Variants in CD180 observed in about 807,000 individuals in gnomAD.
CD180 encodes CD180 antigen.
A neutral mutation model predicts 10.7 loss-of-function variants in CD180; 11 were observed. That is an observed-to-expected ratio of 1.03 (90% confidence interval 0.65 to 1.70). The LOEUF (loss-of-function observed/expected upper bound fraction) is 1.70. Ranked by LOEUF, CD180 falls within the 40% of genes most tolerant of loss-of-function variation. CD180 has a pLI of 0.00. For missense variants in CD180, 729 were observed against 775.2 expected, an observed-to-expected ratio of 0.94 and a Z score of 0.71; for synonymous variants, 286 against 294.6, an observed-to-expected ratio of 0.97 and a Z score of 0.30.
chr5:67,182,925 A>G lies in CD180; in HGVS notation c.1918T>C (p.Leu640=). 1 of 1,613,956 alleles carries G rather than the reference A, an allele frequency of 6.2e-7. No individual in the cohort carries two copies. Among genetic ancestry groups the G allele is most frequent in the Non-Finnish European group, 8.5e-7 (1 of 1,179,900 alleles). Residue 640 remains leucine, a synonymous_variant, in exon 3 of 3, where the codon TTA becomes CTA. Coordinates refer to ENST00000256447, the MANE Select transcript of CD180 (RefSeq NM_005582.3). ...AAAAATAGCAGAATAGCCAACAATA[A>G]TAGAAATACTATGAGAAAGAAAATG... The part of the protein sequence containing the change: ...IGIFFLIVFL[L]LLAILLFFAV...
chr5:67,185,795 T>C (rs928700441), intron 2 of CD180, 56 bp downstream of exon 2: 10 of 1,341,966 alleles, frequency 7.5e-6, no homozygotes, highest in Admixed American at 2.5e-5. Flanking sequence ...ATTAAGCACA[T>C]ACTGTATTTT....
chr5:67,186,131 C>CA, intron 1 of CD180, 114 bp from the exon 2 acceptor site: 1 of 632,096 alleles, frequency 1.6e-6, no homozygotes, highest in Non-Finnish European at 2.6e-6. Flanking sequence ...GTAATCTTTA[C>CA]CAAATATACA....
At chr5:67,189,171 A>T (rs1306248005) in intron 1 of CD180, among the ~76,000 whole-genome samples, 1 of 152,204 alleles carries the variant, frequency 6.6e-6, no homozygotes, top group Admixed American at 6.5e-5. Flanking sequence ...TTCCGGCCCT[A>T]CAGCAAAAGG....
rs940421122 is a variant in CD180 at position 67,181,703 on chromosome 5, A to G, written c.*1154T>C. On this transcript the variant is annotated 3_prime_UTR_variant, in exon 3 of 3. Transcript: ENST00000256447. ...CTTGTCTGGCAATCAAGACTTCAGA[A>G]GATACAGGCCTGTGTGAGTATGGCC... The G allele has an allele frequency of 2.6e-5, 4 of 152,288 alleles. No individual in the cohort carries two copies. Among genetic ancestry groups the G allele is most frequent in the Non-Finnish European group, 5.9e-5 (4 of 68,098 alleles). The allele number at this position is 152,288 out of a possible 1,614,324, so 9.4% of individuals were successfully genotyped here. A position where few individuals can be genotyped will look rare whatever the true frequency, so the allele number is the denominator to read the frequency against.
chr5:67,183,275 C>T lies in CD180; in HGVS notation c.1568G>A (p.Ser523Asn). ...QQAFHSLGKM[S>N]HVDLSHNSLT... Reference sequence around the variant, plus strand: ...GCTGTTGTGGCTTAAGTCTACATGGCTCATTTTTCCCAAGCTGTGGAATGC... The same window carrying T: ...GCTGTTGTGGCTTAAGTCTACATGGTTCATTTTTCCCAAGCTGTGGAATGC... Residue 523 changes from serine (S) to asparagine (N), a missense_variant, in exon 3 of 3, where the codon AGC (serine) becomes AAC (asparagine). By Grantham distance (46) the Ser-to-Asn change is conservative. Coordinates refer to ENST00000256447, the MANE Select transcript of CD180 (RefSeq NM_005582.3). 1 of 1,614,142 alleles carries T rather than the reference C, an allele frequency of 6.2e-7. No homozygotes were observed. The highest frequency in any genetic ancestry group is 1.1e-5 in the South Asian group (1 of 91,064).
intron 1 of CD180, among the ~76,000 whole-genome samples, chr5:67,188,638 C>G (rs1195672762): frequency 1.3e-5 from 2 of 152,232 alleles, no homozygotes; most frequent in African/African-American, 4.8e-5. Context: ...AACAGAACTG[C>G]ACACATCTTG....
chr5:67,190,021 C>A (rs1047103473), intron 1 of CD180, among the ~76,000 whole-genome samples: 3 of 152,176 alleles, frequency 2.0e-5, no homozygotes, highest in Non-Finnish European at 4.4e-5. Flanking sequence ...TTTTTCCAAT[C>A]CAGGATCACA....
chr5:67,181,176 T>G lies in CD180; in HGVS notation c.*1681A>C, dbSNP rs1407027415. ...GAGAGACAAGACAAGAGAAACTAAT[T>G]AAAACAAATGAAGAAGTTAATTCCA... On this transcript the variant is annotated 3_prime_UTR_variant, in exon 3 of 3. Coordinates refer to ENST00000256447, the MANE Select transcript of CD180 (RefSeq NM_005582.3). 2 of 151,924 alleles carry G rather than the reference T, an allele frequency of 1.3e-5. No individual in the cohort carries two copies. The allele number at this position is 151,924 out of a possible 1,614,324, so 9.4% of individuals were successfully genotyped here.
Position 67,182,872 on chromosome 5 carries a change from T to A in CD180, c.1971A>T (p.Lys657Asn). The A allele has an allele frequency of 6.2e-7, 1 of 1,604,320 alleles. No homozygotes were observed. Among genetic ancestry groups the A allele is most frequent in the Non-Finnish European group, 8.5e-7 (1 of 1,175,116 alleles). The change falls in exon 3 of 3, where the codon AAA becomes AAT. Residue 657 changes from lysine to asparagine, a missense_variant. Lys to Asn is a moderately conservative substitution (Grantham distance 94). Coordinates refer to ENST00000256447, the MANE Select transcript of CD180 (RefSeq NM_005582.3). ...FFAVKYLLRW[K>N]YQHI ...ACCTTCAGCACTAAATGTGTTGGTA[T>A]TTCCACCTGAGAAGGTATTTAACTG...
rs757873370 is a variant in CD180 at position 67,184,021 on chromosome 5, C to T, written c.822G>A (p.Met274Ile). The change falls in exon 3 of 3, where the codon ATG becomes ATA. Residue 274 changes from methionine to isoleucine, a missense_variant. Met to Ile is a conservative substitution (Grantham distance 10). Transcript: ENST00000256447. ...CCTGCAGGTTGAGGCTCTCAACAGA[C>T]ATTTCACAGAGTCCCTTGAGCATGG... The part of the protein sequence containing the change: ...SSAMLKGLCE[M>I]SVESLNLQEH... 2 of 1,614,118 alleles carry T rather than the reference C, an allele frequency of 1.2e-6. No individual in the cohort carries two copies. Among genetic ancestry groups the T allele is most frequent in the Admixed American group, 3.3e-5 (2 of 60,016 alleles).
chr5:67,179,908 T>C lies in CD180; in HGVS notation c.*2949A>G, dbSNP rs1396874053. On this transcript the variant is annotated 3_prime_UTR_variant, in exon 3 of 3. Transcript: ENST00000256447. ...GAAATGCAGGGTCAGCTCACTGAGC[T>C]ACATCGTGCAATAATAACACATTTT... 6.6e-6 allele frequency: 1 copy of C among 152,258 alleles called. No individual in the cohort carries two copies. Among genetic ancestry groups the C allele is most frequent in the Non-Finnish European group, 1.5e-5 (1 of 68,052 alleles). The allele number at this position is 152,258 out of a possible 1,614,324, so 9.4% of individuals were successfully genotyped here.
chr5:67,188,125 G>C (rs933985699), intron 1 of CD180, among the ~76,000 whole-genome samples: 4 of 151,262 alleles, frequency 2.6e-5, no homozygotes, highest in African/African-American at 9.8e-5. Context: ...AGCCAAGATT[G>C]CACCACTGCA....
rs112168895 is a variant in CD180, at chr5:67,196,402, T to C, written c.90+150A>G. 336 of 664,954 alleles carry C rather than the reference T, an allele frequency of 5.1e-4. No homozygotes were observed. The African/African-American group carries it at 5.6e-3, about 11-fold the overall frequency. 41.2% of individuals were successfully genotyped at this position (664,954 alleles called of 1,614,324 possible). A position where few individuals can be genotyped will look rare whatever the true frequency, so the allele number is the denominator to read the frequency against. On this transcript the variant is annotated intron_variant, in intron 1 of 2. Transcript: ENST00000256447. The stretch of plus-strand genomic sequence containing the variant: ...CCCTGGCAGAGTTCTTTGGCTCCTT[T>C]CTCACAATAATGAAAAAATTATATA...
chr5:67,184,678 T>A, intron 2 of CD180, 93 bp from the exon 3 acceptor site: 1 of 1,035,068 alleles, frequency 9.7e-7, no homozygotes, highest in Non-Finnish European at 1.4e-6. Context: ...ATCTTTTGTA[T>A]CATTCAAAAT....
intron 1 of CD180, among the ~76,000 whole-genome samples, chr5:67,192,167 GA>G (rs1465460533): frequency 1.3e-5 from 2 of 152,126 alleles, no homozygotes; most frequent in Non-Finnish European, 2.9e-5. Flanking sequence ...GAGGTGGGCG[GA>G]TCAGGAGGTC....
Position 67,184,198 on chromosome 5 carries a change from C to G in CD180, c.645G>C (p.Glu215Asp). 1 of 1,614,162 alleles carries G rather than the reference C, an allele frequency of 6.2e-7. No individual in the cohort carries two copies. The highest frequency in any genetic ancestry group is 1.3e-5 in the African/African-American group (1 of 75,056). The change falls in exon 3 of 3, where the codon GAG becomes GAC. Residue 215 changes from glutamate (E) to aspartate (D), a missense_variant. Glu to Asp is a conservative substitution (Grantham distance 45, BLOSUM62 2). Transcript: ENST00000256447. ...AGATCGTTGAATCAAAAGCCCCAAG[C>G]TCAATACCTTTAACATTATTGCCAT... Reference protein sequence around the residue: ...NFNGNNVKGIELGAFDSTIFQ... With the variant: ...NFNGNNVKGIDLGAFDSTIFQ...
chr5:67,190,932 C>T (rs1742292785), intron 1 of CD180: 1 of 985,274 alleles, frequency 1.0e-6, no homozygotes, highest in Non-Finnish European at 1.2e-6. Flanking sequence ...TGCTTATTCT[C>T]ACCTTTTCGG....
intron 2 of CD180, among the ~76,000 whole-genome samples, chr5:67,185,283 C>CACACA (rs1561235121): frequency 6.3e-5 from 6 of 94,490 alleles, no homozygotes; most frequent in African/African-American, 3.6e-4. Context: ...GAGCCTGTCC[C>CACACA]CTCTTACACA....
Position 67,182,869 on chromosome 5 carries a change from G to A in CD180, c.1974C>T (p.Tyr658=). The A allele has an allele frequency of 6.2e-7, 1 of 1,602,788 alleles. No homozygotes were observed. Residue 658 remains tyrosine (Y), a synonymous_variant, in exon 3 of 3, where the codon TAC becomes TAT. Coordinates refer to ENST00000256447, the MANE Select transcript of CD180 (RefSeq NM_005582.3). ...FAVKYLLRWK[Y]QHI is the part of the protein sequence containing the mutation. The stretch of plus-strand genomic sequence containing the variant: ...GAAACCTTCAGCACTAAATGTGTTG[G>A]TATTTCCACCTGAGAAGGTATTTAA...
Sources: allele counts gnomAD v4.1 joint callset (sites outside exome capture counted in the v4.1 genomes callset), GRCh38; gene constraint gnomAD v4.1.1; transcripts MANE v1.5; gene names NCBI Gene and HGNC (gene_info 2026-07-23, HGNC 2026-07-21).